Variants in GNAL observed in about 807,000 individuals in gnomAD.
GNAL encodes G protein subunit alpha L, also known as guanine nucleotide-binding protein G(olf) subunit alpha.
A neutral mutation model predicts 55.1 loss-of-function variants in GNAL; 18 were observed. The ratio of observed to expected loss-of-function variants is 0.33; its 90% CI spans 0.23 to 0.48. The LOEUF (loss-of-function observed/expected upper bound fraction) is 0.48, where lower values mean the gene tolerates loss of function less well. GNAL is among the 20% of genes least tolerant of loss of function. GNAL has a pLI of 0.99. For missense variants in GNAL, 412 were observed against 614.1 expected (o/e 0.67, Z 3.48); for synonymous variants, 253 against 237.0 (o/e 1.07, Z -0.62).
intron 4 of GNAL, among the ~76,000 whole-genome samples, chr18:11,782,529 A>G (rs2033949241): frequency 6.6e-6 from 1 of 152,190 alleles, no homozygotes; most frequent in Admixed American, 6.5e-5. Flanking sequence ...AAGGAGACAG[A>G]ATGATAGTCG....
At chr18:11,816,574 A>G (rs1450648218) in intron 4 of GNAL, among the ~76,000 whole-genome samples, 1 of 152,124 alleles carries the variant, frequency 6.6e-6, no homozygotes, top group Non-Finnish European at 1.5e-5. Context: ...GATTATAGGC[A>G]TGAGCCACCG....
chr18:11,696,825 A>C (rs979634633), intron 1 of GNAL, among the ~76,000 whole-genome samples: 8 of 152,178 alleles, frequency 5.3e-5, no homozygotes, highest in African/African-American at 1.9e-4. Context: ...TGTCACTGGA[A>C]TATATGACCA....
chr18:11,824,796 TC>T (rs1435763026), intron 4 of GNAL, 121 bp from the exon 5 acceptor site: 1 of 600,588 alleles, frequency 1.7e-6, no homozygotes, highest in Non-Finnish European at 2.9e-6. Context: ...TATGCAGACT[TC>T]CACAAAGAAA....
At chr18:11,847,868 A>C (rs898383328) in intron 5 of GNAL, among the ~76,000 whole-genome samples, 22 of 152,234 alleles carry the variant, frequency 1.4e-4, no homozygotes, top group African/African-American at 5.1e-4. Flanking sequence ...AAAGCATACC[A>C]AGCTGAAACA....
intron 4 of GNAL, among the ~76,000 whole-genome samples, chr18:11,771,824 C>T (rs752499021): frequency 1.1e-4 from 16 of 152,194 alleles, no homozygotes; most frequent in Non-Finnish European, 1.9e-4. Context: ...AAGCGATTCT[C>T]CTGCCTCAGC....
intron 4 of GNAL, among the ~76,000 whole-genome samples, chr18:11,818,067 A>T (rs776598155): frequency 4.2e-4 from 47 of 112,696 alleles, no homozygotes; most frequent in African/African-American, 9.7e-4. Context: ...ACTAAAAATT[A>T]AAAAAAAAAA....
intron 1 of GNAL, among the ~76,000 whole-genome samples, chr18:11,723,516 C>T (rs749819614): frequency 6.6e-6 from 1 of 152,186 alleles, no homozygotes; most frequent in Non-Finnish European, 1.5e-5. Context: ...TTATCAAGAA[C>T]GATAACTACC....
chr18:11,722,515 A>G (rs1437569885), intron 1 of GNAL, among the ~76,000 whole-genome samples: 1 of 152,196 alleles, frequency 6.6e-6, no homozygotes, highest in African/African-American at 2.4e-5. Context: ...TACCATAAAG[A>G]TGGGAGGCTC....
chr18:11,787,915 G>A (rs560153377), intron 4 of GNAL, among the ~76,000 whole-genome samples: 15 of 152,074 alleles, frequency 9.9e-5, no homozygotes, highest in African/African-American at 3.4e-4. Flanking sequence ...AGGATCATGG[G>A]CAGCCGGCAC....
chr18:11,707,778 A>G (rs539012368), intron 1 of GNAL, among the ~76,000 whole-genome samples: 1 of 152,326 alleles, frequency 6.6e-6, no homozygotes, highest in East Asian at 1.9e-4. Context: ...GCCACTTCTC[A>G]TCAGTGATCT....
intron 5 of GNAL, among the ~76,000 whole-genome samples, chr18:11,849,079 T>C (rs1363058640): frequency 2.6e-5 from 4 of 152,242 alleles, no homozygotes; most frequent in Non-Finnish European, 5.9e-5. Flanking sequence ...AGTTAATTTA[T>C]GTAAAGTGCC....
chr18:11,753,722 A>G (rs1315282270), intron 3 of GNAL, 40 bp downstream of exon 3: 4 of 1,462,844 alleles, frequency 2.7e-6, no homozygotes, highest in Non-Finnish European at 3.8e-6. Flanking sequence ...AGAAAGGTCA[A>G]GTGCTCTTCA....
chr18:11,758,085 A>G (rs2033120053), intron 4 of GNAL, among the ~76,000 whole-genome samples: 1 of 152,212 alleles, frequency 6.6e-6, no homozygotes, highest in Admixed American at 6.5e-5. Context: ...ATCACTTGGT[A>G]AAGCAGGAGA....
At chr18:11,707,221 G>A (rs912632885) in intron 1 of GNAL, among the ~76,000 whole-genome samples, 7 of 152,168 alleles carry the variant, frequency 4.6e-5, no homozygotes, top group African/African-American at 1.2e-4. Flanking sequence ...TAGAGCAATC[G>A]CTGTCTATGG....
chr18:11,795,035 G>A (rs527816857), intron 4 of GNAL, among the ~76,000 whole-genome samples: 26 of 152,038 alleles, frequency 1.7e-4, no homozygotes, highest in African/African-American at 5.8e-4. Context: ...TAGAGACAGC[G>A]TTTTTCCATG....
intron 4 of GNAL, among the ~76,000 whole-genome samples, chr18:11,791,992 C>T (rs755025331): frequency 6.6e-6 from 1 of 152,148 alleles, no homozygotes; most frequent in African/African-American, 2.4e-5. Flanking sequence ...TTGTCATTTC[C>T]GATTTTAATT....
rs2036881419 is a variant in GNAL at position 11,884,513 on chromosome 18, G to T, written c.*3378G>T. 3 of 1,614,012 alleles carry T rather than the reference G, an allele frequency of 1.9e-6. No homozygotes were observed. Among genetic ancestry groups the T allele is most frequent in the Non-Finnish European group, 2.5e-6 (3 of 1,180,036 alleles). ...AAAGGTGAGGCTAGAAGCCCAAAGT[G>T]AGTGAGTGTGAGGACCACAAGGAAG... On this transcript the variant is annotated 3_prime_UTR_variant, in exon 12 of 12. Transcript: ENST00000334049.
chr18:11,878,760 G>T (rs2036589551), intron 11 of GNAL, among the ~76,000 whole-genome samples: 1 of 151,944 alleles, frequency 6.6e-6, no homozygotes, highest in Non-Finnish European at 1.5e-5. Context: ...TAGAGATACA[G>T]CCTTGCTATG....
intron 1 of GNAL, among the ~76,000 whole-genome samples, chr18:11,715,353 C>T (rs1185353116): frequency 5.4e-5 from 8 of 148,074 alleles, no homozygotes; most frequent in Non-Finnish European, 7.4e-5. Context: ...CCCAGCTACT[C>T]GGGAGGCTGA....
Sources: allele counts gnomAD v4.1 joint callset (sites outside exome capture counted in the v4.1 genomes callset), GRCh38; gene constraint gnomAD v4.1.1; transcripts MANE v1.5; gene names NCBI Gene and HGNC (gene_info 2026-07-23, HGNC 2026-07-21).